Variants in NHS observed in about 807,000 individuals in gnomAD.
NHS encodes actin remodeling regulator NHS.
Under a neutral mutation model 72.5 loss-of-function variants are expected in NHS, and 5 were observed. The observed-to-expected ratio is 0.07, with a 90% CI of 0.04 to 0.14. NHS has a LOEUF of 0.14. Among genes scored for constraint, NHS ranks in the 10% least tolerant of loss-of-function variants. The probability of loss-of-function intolerance (pLI) is 1.00; values close to 1 mark genes in which losing one functional copy is unlikely to be tolerated. For synonymous variants in NHS, 464 were observed against 547.7 expected (o/e 0.85, Z 2.13); for missense variants, 1,072 against 1,355.7 (o/e 0.79, Z 3.29).
Position 17,725,457 on chromosome X carries a change from AC to A in NHS, c.1353del (p.Glu452ArgfsTer4). 8.3e-7 allele frequency: 1 copy of A among 1,211,575 alleles called. No homozygotes were observed. Among genetic ancestry groups the A allele is most frequent in the Non-Finnish European group, 1.1e-6 (1 of 895,455 alleles). Reference sequence around the variant, plus strand: ...CGGAACCAGGGACTCTGAGTGCCAAACCGAGGATATTCTGATTGCTGCCCCA... The same window carrying A: ...CGGAACCAGGGACTCTGAGTGCCAAACGAGGATATTCTGATTGCTGCCCCA... The part of the protein sequence containing the change: ...ISGTRDSECQ[T>X]EDILIAAPSR... On this transcript the variant is annotated frameshift_variant, in exon 7 of 9. Coordinates refer to ENST00000676302, the MANE Select transcript of NHS (RefSeq NM_001291867.2). LOFTEE classifies it high-confidence loss of function.
chrX:17,419,921 G>A (rs776725798), intron 1 of NHS, among the ~76,000 whole-genome samples: 2 of 111,489 alleles, frequency 1.8e-5, no homozygotes, highest in Non-Finnish European at 3.8e-5. Flanking sequence ...GAGCAAATTC[G>A]TGTTTACCTT....
chrX:17,439,025 C>T (rs780242833), intron 1 of NHS, among the ~76,000 whole-genome samples: 1 of 105,867 alleles, frequency 9.4e-6, no homozygotes, highest in Admixed American at 1.0e-4. Flanking sequence ...ATGATCTCCC[C>T]ATCTTTCCAG....
intron 1 of NHS, among the ~76,000 whole-genome samples, chrX:17,545,206 A>AAACTTGTG (rs1285772586): frequency 8.9e-6 from 1 of 112,769 alleles, no homozygotes; most frequent in African/African-American, 3.2e-5. Flanking sequence ...GCTAGAGATC[A>AAACTTGTG]AACTTGTGCC....
intron 1 of NHS, among the ~76,000 whole-genome samples, chrX:17,562,326 A>T (rs1448554392): frequency 8.9e-6 from 1 of 112,296 alleles, no homozygotes; most frequent in Non-Finnish European, 1.9e-5. Flanking sequence ...ACTCAGAGTT[A>T]TCCCACCTGA....
At chrX:17,731,063 C>T (rs1601861749) in intron 8 of NHS, among the ~76,000 whole-genome samples, 1 of 110,852 alleles carries the variant, frequency 9.0e-6, no homozygotes, top group Admixed American at 9.6e-5. Context: ...CCTGTCCCAC[C>T]CACACCTCCA....
At chrX:17,584,738 TA>T (rs2065565300) in intron 1 of NHS, among the ~76,000 whole-genome samples, 1 of 111,652 alleles carries the variant, frequency 9.0e-6, no homozygotes, top group South Asian at 3.8e-4. Flanking sequence ...CCTTTTTCAA[TA>T]CCTTTTCACA....
At chrX:17,439,141 A>T (rs1460973361) in intron 1 of NHS, among the ~76,000 whole-genome samples, 1 of 108,508 alleles carries the variant, frequency 9.2e-6, no homozygotes, top group Non-Finnish European at 1.9e-5. Context: ...GCATGTGCCC[A>T]TAGGTCTACA....
chrX:17,425,334 G>A (rs1264292589), intron 1 of NHS, among the ~76,000 whole-genome samples: 1 of 109,445 alleles, frequency 9.1e-6, no homozygotes, highest in Non-Finnish European at 1.9e-5. Context: ...CTCCCTAAGA[G>A]CTAGTTCCAT....
intron 1 of NHS, among the ~76,000 whole-genome samples, chrX:17,599,910 A>G (rs2065641243): frequency 9.0e-6 from 1 of 111,111 alleles, no homozygotes; most frequent in Non-Finnish European, 1.9e-5. Context: ...CCCCACACTA[A>G]GAATCAAAAC....
chrX:17,691,935 C>T (rs1353077599), intron 2 of NHS, among the ~76,000 whole-genome samples: 1 of 111,964 alleles, frequency 8.9e-6, no homozygotes. Context: ...AGCCAGCTCC[C>T]GTACCCAGTG....
intron 1 of NHS, among the ~76,000 whole-genome samples, chrX:17,592,130 T>G (rs1388940136): frequency 8.9e-6 from 1 of 111,966 alleles, no homozygotes; most frequent in East Asian, 2.8e-4. Context: ...TATTTAGGCA[T>G]AGTCCATAGA....
At chrX:17,581,196 A>G (rs890756237) in intron 1 of NHS, among the ~76,000 whole-genome samples, 20 of 112,077 alleles carry the variant, frequency 1.8e-4, no homozygotes, top group African/African-American at 5.8e-4. Flanking sequence ...TGACATCAGA[A>G]TGTGAGAGGA....
intron 5 of NHS, among the ~76,000 whole-genome samples, chrX:17,722,732 T>G (rs1221415100): frequency 9.0e-6 from 1 of 110,986 alleles, no homozygotes; most frequent in Non-Finnish European, 1.9e-5. Context: ...ATGGGATGTA[T>G]TAGGGGAGTT....
chrX:17,431,594 A>G (rs184018520), intron 1 of NHS, among the ~76,000 whole-genome samples: 52 of 111,729 alleles, frequency 4.7e-4, no homozygotes, highest in African/African-American at 1.6e-3. Flanking sequence ...TAATTCATCT[A>G]TCCCATGGAG....
intron 1 of NHS, among the ~76,000 whole-genome samples, chrX:17,509,069 A>G (rs1281395850): frequency 9.0e-6 from 1 of 111,416 alleles, no homozygotes; most frequent in Non-Finnish European, 1.9e-5. Flanking sequence ...AAGTCTCTTT[A>G]GCATTTGGTA....
intron 1 of NHS, among the ~76,000 whole-genome samples, chrX:17,520,014 T>TA (rs2065140609): frequency 9.7e-6 from 1 of 102,903 alleles, no homozygotes; most frequent in African/African-American, 3.6e-5. Context: ...TGTCAAGACT[T>TA]ACATTTCTGT....
At chrX:17,441,758 C>T (rs955080138) in intron 1 of NHS, among the ~76,000 whole-genome samples, 3 of 111,225 alleles carry the variant, frequency 2.7e-5, no homozygotes, top group African/African-American at 6.6e-5. Context: ...ATGAACAGCA[C>T]AGGGGAAGAA....
chrX:17,454,591 A>G (rs1601713885), intron 1 of NHS, among the ~76,000 whole-genome samples: 1 of 112,475 alleles, frequency 8.9e-6, no homozygotes, highest in South Asian at 3.7e-4. Context: ...CCGAAGTTCT[A>G]ACTTTTACTG....
chrX:17,538,076 G>C (rs2065238555), intron 1 of NHS, among the ~76,000 whole-genome samples: 3 of 111,993 alleles, frequency 2.7e-5, no homozygotes, highest in Admixed American at 1.9e-4. Flanking sequence ...GTGGGACTTT[G>C]GCTCTTTCGC....
Sources: gnomAD v4.1 joint callset for allele counts (sites outside exome capture counted in the v4.1 genomes callset) on GRCh38, gnomAD v4.1.1 for gene constraint, MANE v1.5 for transcripts, NCBI Gene and HGNC (gene_info 2026-07-23, HGNC 2026-07-21) for gene names.